The following ANXA6 variants were observed in gnomAD, a reference collection of about 807,000 sequenced individuals.
ANXA6 encodes the protein 67 kDa calelectrin.
In ANXA6, 71 loss-of-function variants were observed where a neutral mutation model predicts 95.4. The observed-to-expected ratio is 0.74, with a 90% CI of 0.61 to 0.91. ANXA6 has a LOEUF of 0.91. Among genes scored for constraint, ANXA6 ranks in the 40% least tolerant of loss-of-function variants. The probability of loss-of-function intolerance (pLI) is 0.00; values close to 1 mark genes in which losing one functional copy is unlikely to be tolerated. For missense variants in ANXA6, 830 were observed against 876.4 expected, an observed-to-expected ratio of 0.95 and a Z score of 0.67; for synonymous variants, 289 against 315.9, an observed-to-expected ratio of 0.91 and a Z score of 0.90.
intron 20 of ANXA6, among the ~76,000 whole-genome samples, chr5:151,112,519 T>A (rs963581033): frequency 2.6e-5 from 4 of 152,220 alleles, no homozygotes; most frequent in African/African-American, 9.6e-5. Context: ...TTCTGGTTTT[T>A]AAAATATTTT....
Position 151,140,150 on chromosome 5 carries a change from C to T in ANXA6, c.109+3G>A. 1 of 1,613,796 alleles carries T rather than the reference C, an allele frequency of 6.2e-7. No individual in the cohort carries two copies. Among genetic ancestry groups the T allele is most frequent in the Non-Finnish European group, 8.5e-7 (1 of 1,179,786 alleles). On this transcript the variant is annotated splice_donor_region_variant and intron_variant, in intron 3 of 25. Transcript: ENST00000354546. ...TCAAGCTCCCATGAAGCCTGGCACC[C>T]ACCAAAGCCCTTCATGGCAGTGTAC... is the stretch of plus-strand genomic sequence containing the variant.
At position 151,124,306 on chromosome 5, in the gene ANXA6, C is replaced by T. The variant is rs199942887; in HGVS notation, c.1118G>A (p.Arg373Gln). 39 of 1,613,468 alleles carry T rather than the reference C, an allele frequency of 2.4e-5. No individual in the cohort carries two copies. Among genetic ancestry groups the T allele is most frequent in the Middle Eastern group, 1.6e-4 (1 of 6,084 alleles). ...FNPDADAKAL[R>Q]KAMKGLGTDE... is the part of the protein sequence containing the mutation. Reference sequence around the variant, plus strand: ...CATACCGAGTCCCTTCATGGCTTTCCGCAGCGCTTTGGCATCTGCGTCAGG... The same window carrying T: ...CATACCGAGTCCCTTCATGGCTTTCTGCAGCGCTTTGGCATCTGCGTCAGG... Residue 373 changes from arginine to glutamine, a missense_variant, in exon 15 of 26, where the codon CGG becomes CAG. Arg to Gln is a conservative substitution (Grantham distance 43, BLOSUM62 1). Transcript: ENST00000354546.
chr5:151,126,577 CACAT>C, intron 13 of ANXA6, 97 bp from the exon 14 acceptor site: 8 of 874,194 alleles, frequency 9.2e-6, no homozygotes, highest in East Asian at 2.6e-5. Context: ...CACACCCCAA[CACAT>C]ACACACACGT....
At chr5:151,156,916 C>T (rs780174025) in intron 1 of ANXA6, among the ~76,000 whole-genome samples, 3 of 152,164 alleles carry the variant, frequency 2.0e-5, no homozygotes, top group Non-Finnish European at 4.4e-5. Flanking sequence ...GGAAAGCCAC[C>T]GCCCAAAGTC....
At chr5:151,105,418 A>C (rs1331408905) in intron 23 of ANXA6, 115 bp from the exon 24 acceptor site, 3 of 866,666 alleles carry the variant, frequency 3.5e-6, no homozygotes, top group Non-Finnish European at 5.8e-6. Flanking sequence ...TCTGCAGATC[A>C]TTGTCAACCC....
intron 8 of ANXA6, 136 bp downstream of exon 8, chr5:151,134,291 A>G: frequency 1.2e-6 from 1 of 803,026 alleles, no homozygotes; most frequent in Non-Finnish European, 2.2e-6. Context: ...GCACCGGTAT[A>G]CATGACAGCT....
intron 1 of ANXA6, chr5:151,151,001 T>A (rs1766094263): frequency 6.6e-6 from 1 of 152,100 alleles, no homozygotes; most frequent in Admixed American, 6.5e-5. Flanking sequence ...CTGGAGGAGC[T>A]CCCCTTTCCA....
chr5:151,138,819 G>C lies in ANXA6; in HGVS notation c.205-28C>G, dbSNP rs773333454. ...GGCAGGTGGGGAAGAAGAGGAGATA[G>C]AAGAGGAAAGAGGAAGAGTAGTTAC... On this transcript the variant is annotated intron_variant, in intron 4 of 25. Transcript: ENST00000354546. The C allele has an allele frequency of 9.4e-6, 14 of 1,484,638 alleles. No individual in the cohort carries two copies. The South Asian group carries it at 1.5e-4, about 16-fold the overall frequency. 92.0% of individuals were successfully genotyped at this position (1,484,638 alleles called of 1,614,324 possible).
At chr5:151,143,200 T>C (rs1765883346) in intron 2 of ANXA6, among the ~76,000 whole-genome samples, 1 of 152,068 alleles carries the variant, frequency 6.6e-6, no homozygotes, top group Non-Finnish European at 1.5e-5. Flanking sequence ...TCCAAGGCTC[T>C]TTCTAACAGA....
intron 1 of ANXA6, among the ~76,000 whole-genome samples, chr5:151,153,631 T>C (rs753206907): frequency 2.6e-5 from 4 of 152,358 alleles, no homozygotes; most frequent in Admixed American, 6.5e-5. Context: ...CTCGAGACTT[T>C]CATTGTCTTT....
At chr5:151,110,729 G>A (rs1206012500) in intron 20 of ANXA6, 85 bp from the exon 21 acceptor site, 1 of 1,499,268 alleles carries the variant, frequency 6.7e-7, no homozygotes, top group Non-Finnish European at 9.2e-7. Context: ...GGGCCCTGGG[G>A]TGCAGGGTGA....
intron 11 of ANXA6, 61 bp from the exon 12 acceptor site, chr5:151,129,590 C>T (rs1765435385): frequency 6.6e-7 from 1 of 1,511,184 alleles, no homozygotes. Flanking sequence ...GCTGATAGCT[C>T]CCAGCTTAGT....
chr5:151,157,485 C>G (rs1213943037), intron 1 of ANXA6, among the ~76,000 whole-genome samples, 195 bp downstream of exon 1: 1 of 152,208 alleles, frequency 6.6e-6, no homozygotes, highest in Non-Finnish European at 1.5e-5. Context: ...CTCTCCGCCC[C>G]GACCCCAGAT....
At chr5:151,136,443 A>G (rs549894234) in intron 6 of ANXA6, 108 bp from the exon 7 acceptor site, 6 of 1,026,390 alleles carry the variant, frequency 5.8e-6, no homozygotes, top group Non-Finnish European at 7.3e-6. Context: ...GAATTCCAAA[A>G]CCCAGTCTAC....
At position 151,101,347 on chromosome 5, in the gene ANXA6, TG is replaced by T; in HGVS notation, c.*100del. The T allele has an allele frequency of 6.4e-6, 1 of 155,894 alleles. No individual in the cohort carries two copies. Among genetic ancestry groups the T allele is most frequent in the Non-Finnish European group, 1.4e-5 (1 of 70,756 alleles). 9.7% of individuals were successfully genotyped at this position (155,894 alleles called of 1,614,324 possible). ...CCAACCCAACCCCTCCCCCCACCCC[TG>T]CCCCTTCCTTAGTCTCTGGAGCTGG... On this transcript the variant is annotated 3_prime_UTR_variant, in exon 26 of 26. Coordinates refer to ENST00000354546, the MANE Select transcript of ANXA6 (RefSeq NM_001155.5).
chr5:151,115,998 T>C (rs1764987865), intron 20 of ANXA6, among the ~76,000 whole-genome samples: 1 of 152,262 alleles, frequency 6.6e-6, no homozygotes, highest in African/African-American at 2.4e-5. Flanking sequence ...GTTAAGGAGC[T>C]TCATTTTCTT....
intron 1 of ANXA6, among the ~76,000 whole-genome samples, chr5:151,156,779 A>G (rs1352482192): frequency 6.6e-6 from 1 of 152,188 alleles, no homozygotes; most frequent in Non-Finnish European, 1.5e-5. Context: ...TCTATAATCA[A>G]GACTCCCAAA....
At chr5:151,113,489 G>A (rs552186533) in intron 20 of ANXA6, among the ~76,000 whole-genome samples, 21 of 152,048 alleles carry the variant, frequency 1.4e-4, no homozygotes, top group East Asian at 5.8e-4. Context: ...TAAATAAAAC[G>A]GTATCATTTT....
rs756694971 is a variant in ANXA6 at position 151,140,148 on chromosome 5, C to T, written c.109+5G>A. On this transcript the variant is annotated splice_donor_5th_base_variant and intron_variant, in intron 3 of 25. Coordinates refer to ENST00000354546, the MANE Select transcript of ANXA6 (RefSeq NM_001155.5). ...CCTCAAGCTCCCATGAAGCCTGGCA[C>T]CCACCAAAGCCCTTCATGGCAGTGT... 1.2e-6 allele frequency: 2 copies of T among 1,613,736 alleles called. No homozygotes were observed. Among genetic ancestry groups the T allele is most frequent in the Non-Finnish European group, 1.7e-6 (2 of 1,179,746 alleles).
Sources: allele counts gnomAD v4.1 joint callset (sites outside exome capture counted in the v4.1 genomes callset), GRCh38; gene constraint gnomAD v4.1.1; transcripts MANE v1.5; gene names NCBI Gene and HGNC (gene_info 2026-07-23, HGNC 2026-07-21).